Variants in TIAM1 observed in about 807,000 individuals in gnomAD.
The protein encoded by TIAM1 is rho guanine nucleotide exchange factor TIAM1.
Under a neutral mutation model 163.5 loss-of-function variants are expected in TIAM1, and 65 were observed. That is an observed-to-expected ratio of 0.40 (90% CI 0.33 to 0.49). The LOEUF (loss-of-function observed/expected upper bound fraction) is 0.49, where lower values mean the gene tolerates loss of function less well. Among genes scored for constraint, TIAM1 ranks in the 20% least tolerant of loss-of-function variants. The pLI is 0.77. For missense variants in TIAM1, 1,789 were observed against 2,044.7 expected (o/e 0.87, Z 2.41); for synonymous variants, 833 against 810.1 (o/e 1.03, Z -0.48).
intron 3 of TIAM1, among the ~76,000 whole-genome samples, chr21:31,272,197 TATA>T (rs1040804502): frequency 2.0e-5 from 3 of 152,200 alleles, no homozygotes; most frequent in Non-Finnish European, 4.4e-5. Flanking sequence ...AATATTTATT[TATA>T]ATAAGTGTTG....
chr21:31,222,013 A>C (rs978759693), intron 8 of TIAM1, among the ~76,000 whole-genome samples: 1 of 152,250 alleles, frequency 6.6e-6, no homozygotes, highest in African/African-American at 2.4e-5. Flanking sequence ...CAGGGAGACC[A>C]AGAGCTGAGC....
At chr21:31,252,254 T>C (rs1569109300) in intron 4 of TIAM1, 65 bp from the exon 5 acceptor site, 1 of 1,528,192 alleles carries the variant, frequency 6.5e-7, no homozygotes, top group African/African-American at 1.4e-5. Context: ...CAGGGTCACG[T>C]GGAGAAGAGC....
chr21:31,497,350 T>C (rs1453862852), intron 1 of TIAM1, among the ~76,000 whole-genome samples: 3 of 152,152 alleles, frequency 2.0e-5, no homozygotes, highest in Non-Finnish European at 4.4e-5. Flanking sequence ...TCAAAACAAA[T>C]AGTTATAAGA....
In TIAM1 at chr21:31,153,110, A is replaced by G; in HGVS notation, c.3196T>C (p.Tyr1066His). 1.2e-5 allele frequency: 19 copies of G among 1,613,352 alleles called. No homozygotes were observed. The highest frequency in any genetic ancestry group is 1.6e-5 in the Non-Finnish European group (19 of 1,179,798). The change falls in exon 18 of 28, where the codon TAC (tyrosine) becomes CAC (histidine). Residue 1066 changes from tyrosine to histidine, a missense_variant. Tyr to His is a moderately conservative substitution (Grantham distance 83, BLOSUM62 2). Coordinates refer to ENST00000541036, the MANE Select transcript of TIAM1 (RefSeq NM_001353694.2). ...VKDLNCLMERYLKPLQKETFL... is the reference protein window; with the variant it reads ...VKDLNCLMERHLKPLQKETFL... ...GTTTCTTTTTGAAGAGGCTTTAGGT[A>G]TCTCTCCATAAGACAGTTTAAATCC...
chr21:31,249,380 C>T (rs1014209990), intron 5 of TIAM1, among the ~76,000 whole-genome samples: 1 of 152,172 alleles, frequency 6.6e-6, no homozygotes, highest in Admixed American at 6.5e-5. Context: ...TGAGATGATA[C>T]ATTTCTGTTA....
intron 1 of TIAM1, among the ~76,000 whole-genome samples, chr21:31,474,118 C>T (rs1016997189): frequency 6.6e-6 from 1 of 152,146 alleles, no homozygotes; most frequent in African/African-American, 2.4e-5. Flanking sequence ...CATGAACTAA[C>T]AGAGTGAGAG....
intron 2 of TIAM1, among the ~76,000 whole-genome samples, chr21:31,295,296 C>A (rs1419314104): frequency 6.6e-6 from 1 of 152,158 alleles, no homozygotes. Flanking sequence ...CGGTGAAACC[C>A]CGTCTCTACT....
chr21:31,271,019 A>C (rs1022101435), intron 3 of TIAM1, among the ~76,000 whole-genome samples: 7 of 152,186 alleles, frequency 4.6e-5, no homozygotes, highest in Non-Finnish European at 7.4e-5. Flanking sequence ...TGCAGCACTC[A>C]ACATTTCTTA....
chr21:31,336,733 G>A (rs192642257), intron 2 of TIAM1, among the ~76,000 whole-genome samples: 5 of 152,140 alleles, frequency 3.3e-5, no homozygotes, highest in South Asian at 2.1e-4. Flanking sequence ...TGGTTCCGAG[G>A]GGCAAAAATC....
At chr21:31,489,076 A>G (rs2046369126) in intron 1 of TIAM1, among the ~76,000 whole-genome samples, 2 of 151,734 alleles carry the variant, frequency 1.3e-5, no homozygotes, top group African/African-American at 2.4e-5. Flanking sequence ...AACGGTAACA[A>G]TAATAACTGT....
intron 1 of TIAM1, among the ~76,000 whole-genome samples, chr21:31,472,523 TG>T (rs1213040523): frequency 6.6e-6 from 1 of 151,920 alleles, no homozygotes; most frequent in Non-Finnish European, 1.5e-5. Context: ...CAAGACTGTC[TG>T]AAAAAAAATA....
At chr21:31,358,540 C>T (rs1211854461) in intron 2 of TIAM1, among the ~76,000 whole-genome samples, 4 of 152,270 alleles carry the variant, frequency 2.6e-5, no homozygotes, top group Middle Eastern at 3.4e-3. Flanking sequence ...CCCAGCTGAG[C>T]TAAGGGCAAT....
At chr21:31,527,018 T>G (rs575735539) in intron 1 of TIAM1, among the ~76,000 whole-genome samples, 1 of 152,152 alleles carries the variant, frequency 6.6e-6, no homozygotes, top group East Asian at 1.9e-4. Flanking sequence ...TGTATACTCT[T>G]TCCTGATCTT....
chr21:31,516,348 G>A (rs2047381688), intron 1 of TIAM1, among the ~76,000 whole-genome samples: 1 of 152,154 alleles, frequency 6.6e-6, no homozygotes, highest in East Asian at 1.9e-4. Flanking sequence ...GGAGGTGGAG[G>A]TTGCACTGAG....
chr21:31,272,850 C>A (rs2073124677), intron 3 of TIAM1, among the ~76,000 whole-genome samples: 1 of 151,938 alleles, frequency 6.6e-6, no homozygotes, highest in Non-Finnish European at 1.5e-5. Context: ...CATCATCTGG[C>A]AAAATGTGAT....
intron 2 of TIAM1, among the ~76,000 whole-genome samples, chr21:31,278,231 G>T (rs1461876795): frequency 1.3e-5 from 2 of 152,150 alleles, no homozygotes; most frequent in African/African-American, 4.8e-5. Context: ...GTTTTCTTAC[G>T]AAGGCAAACA....
At chr21:31,277,682 A>G (rs1436501200) in intron 2 of TIAM1, among the ~76,000 whole-genome samples, 1 of 152,174 alleles carries the variant, frequency 6.6e-6, no homozygotes, top group Non-Finnish European at 1.5e-5. Context: ...AAAATGGGCA[A>G]CCAGCAACCC....
intron 2 of TIAM1, among the ~76,000 whole-genome samples, chr21:31,361,469 C>T (rs1304778209): frequency 1.3e-5 from 2 of 151,992 alleles, no homozygotes; most frequent in African/African-American, 4.8e-5. Context: ...TTGCATTTCT[C>T]GAGCTGGTGA....
intron 2 of TIAM1, among the ~76,000 whole-genome samples, chr21:31,366,248 A>G (rs1202505183): frequency 6.6e-6 from 1 of 152,120 alleles, no homozygotes; most frequent in African/African-American, 2.4e-5. Flanking sequence ...TTGAAGCTGG[A>G]TTTCACCCTT....
Sources: gnomAD v4.1 joint callset for allele counts (sites outside exome capture counted in the v4.1 genomes callset) on GRCh38, gnomAD v4.1.1 for gene constraint, MANE v1.5 for transcripts, NCBI Gene and HGNC (gene_info 2026-07-23, HGNC 2026-07-21) for gene names.